Variants in SGCD observed in about 807,000 individuals in gnomAD.
The protein encoded by SGCD is sarcoglycan delta, also known as delta-sarcoglycan.
Under a neutral mutation model 36.6 loss-of-function variants are expected in SGCD, and 18 were observed. That is an observed-to-expected ratio of 0.49 (90% confidence interval 0.34 to 0.73). The LOEUF is 0.73. Among genes scored for constraint, SGCD ranks in the 30% least tolerant of loss-of-function variants. The pLI, the probability that SGCD is intolerant of heterozygous loss-of-function variation, is 0.01. For missense variants in SGCD, 387 were observed against 346.7 expected, an observed-to-expected ratio of 1.12 and a Z score of -0.92; for synonymous variants, 133 against 130.6, an observed-to-expected ratio of 1.02 and a Z score of -0.12.
At chr5:156,471,088 T>A (rs1035187924) in intron 3 of SGCD, among the ~76,000 whole-genome samples, 1 of 152,176 alleles carries the variant, frequency 6.6e-6, no homozygotes, top group African/African-American at 2.4e-5. Flanking sequence ...TAGGTAGTAT[T>A]ATTACAATAG....
chr5:156,006,053 G>T lies in SGCD; in HGVS notation c.-281-111825G>T, dbSNP rs6888511. Among the ~76,000 whole-genome samples, 357 of 152,308 alleles carry T rather than the reference G, an allele frequency of 2.3e-3. 1 individual carries two copies. Among genetic ancestry groups the T allele is most frequent in the African/African-American group, 8.0e-3 (333 of 41,560 alleles). ...TGAGAATGATACATACCTCAGGTGA[G>T]TGTTGTGAAGATCATATGAGAATAT... On this transcript the variant is annotated intron_variant, in intron 1 of 9. Transcript: ENST00000517913.
At chr5:156,119,724 C>T (rs1761988929) in intron 2 of SGCD, among the ~76,000 whole-genome samples, 1 of 152,146 alleles carries the variant, frequency 6.6e-6, no homozygotes, top group African/African-American at 2.4e-5. Flanking sequence ...GTTTTGCCTT[C>T]TCGGGATGCC....
At chr5:156,609,690 C>G (rs1217186421) in intron 6 of SGCD, among the ~76,000 whole-genome samples, 1 of 152,206 alleles carries the variant, frequency 6.6e-6, no homozygotes, top group Non-Finnish European at 1.5e-5. Context: ...ACCAATCAGA[C>G]ATAGATTTGG....
intron 4 of SGCD, among the ~76,000 whole-genome samples, chr5:156,550,701 C>T (rs1030964801): frequency 6.6e-6 from 1 of 152,180 alleles, no homozygotes; most frequent in Admixed American, 6.5e-5. Context: ...GCTCTCTGAG[C>T]CCACTCTCTA....
At chr5:156,392,711 C>T (rs951309554) in intron 3 of SGCD, among the ~76,000 whole-genome samples, 2 of 152,174 alleles carry the variant, frequency 1.3e-5, no homozygotes, top group East Asian at 3.9e-4. Flanking sequence ...GTGGGAGTAG[C>T]TCTCAGCAGG....
chr5:156,373,422 T>C (rs1255139426), intron 3 of SGCD, among the ~76,000 whole-genome samples: 1 of 152,230 alleles, frequency 6.6e-6, no homozygotes, highest in Admixed American at 6.5e-5. Flanking sequence ...AAGTAAGTAA[T>C]GCAATGAGAC....
At chr5:156,399,573 G>T (rs1772037912) in intron 3 of SGCD, among the ~76,000 whole-genome samples, 1 of 152,206 alleles carries the variant, frequency 6.6e-6, no homozygotes, top group Non-Finnish European at 1.5e-5. Context: ...GAGTGCAGTA[G>T]TCTTTTTATA....
At chr5:155,943,147 G>C (rs375563809) in intron 1 of SGCD, among the ~76,000 whole-genome samples, 1 of 152,254 alleles carries the variant, frequency 6.6e-6, no homozygotes, top group Non-Finnish European at 1.5e-5. Flanking sequence ...GTCTTGGTTT[G>C]AATCACTTAC....
chr5:156,730,923 C>G (rs1277938708), intron 7 of SGCD, among the ~76,000 whole-genome samples: 12 of 151,998 alleles, frequency 7.9e-5, no homozygotes, highest in African/African-American at 2.9e-4. Flanking sequence ...TATTTTTTGA[C>G]TTTTTAGTAA....
Position 156,365,990 on chromosome 5 carries a change from T to C in SGCD, c.192+21313T>C, listed in dbSNP as rs113355036. ...ATAAATCTCTGTAAGCAAGAGAAGG[T>C]ACAAGAAGACATGAGTAGCCATGCA... On this transcript the variant is annotated intron_variant, in intron 3 of 8. Coordinates refer to ENST00000337851, the MANE Select transcript of SGCD (RefSeq NM_000337.6). 2.8e-3 allele frequency among the ~76,000 whole-genome samples: 433 copies of C among 152,300 alleles called. 5 individuals are homozygous for C. The highest frequency in any genetic ancestry group is 0.01 in the African/African-American group (416 of 41,572).
intron 3 of SGCD, among the ~76,000 whole-genome samples, chr5:156,232,126 C>T (rs747766020): frequency 4.7e-4 from 71 of 152,204 alleles, no homozygotes; most frequent in Non-Finnish European, 9.4e-4. Flanking sequence ...CCAACACCAG[C>T]TTACCTTTAA....
chr5:156,621,170 C>G (rs888241216), intron 6 of SGCD, among the ~76,000 whole-genome samples: 1 of 152,120 alleles, frequency 6.6e-6, no homozygotes, highest in Non-Finnish European at 1.5e-5. Context: ...TTTCTAGGAT[C>G]CACAGCTAAG....
At chr5:155,948,721 A>C (rs979299774) in intron 1 of SGCD, among the ~76,000 whole-genome samples, 1 of 152,184 alleles carries the variant, frequency 6.6e-6, no homozygotes, top group African/African-American at 2.4e-5. Context: ...AGTGGAGAGA[A>C]TCAGAAGACC....
chr5:156,345,745 T>A (rs1768907162), intron 3 of SGCD, among the ~76,000 whole-genome samples: 1 of 152,198 alleles, frequency 6.6e-6, no homozygotes, highest in Non-Finnish European at 1.5e-5. Flanking sequence ...CCCTCTTGTT[T>A]GATAAATAAA....
intron 3 of SGCD, among the ~76,000 whole-genome samples, chr5:156,185,157 G>GC (rs1323600696): frequency 6.6e-6 from 1 of 151,644 alleles, no homozygotes; most frequent in Non-Finnish European, 1.5e-5. Flanking sequence ...TGATGGTCAG[G>GC]CAGTAAAATG....
chr5:156,103,834 C>T lies in SGCD; in HGVS notation c.-281-14044C>T, dbSNP rs375900602. 2.0e-5 allele frequency among the ~76,000 whole-genome samples: 3 copies of T among 152,138 alleles called. No homozygotes were observed. The South Asian group carries it at 6.2e-4, about 31-fold the overall frequency. On this transcript the variant is annotated intron_variant, in intron 1 of 9. Transcript: ENST00000517913. The stretch of plus-strand genomic sequence containing the variant: ...ATTGTTTTACTTCCCAATAGACTTG[C>T]AGACATTCAAGTATAATTTAAATCT...
chr5:156,426,235 T>G (rs1418682638), intron 3 of SGCD, among the ~76,000 whole-genome samples: 1 of 152,114 alleles, frequency 6.6e-6, no homozygotes, highest in Non-Finnish European at 1.5e-5. Context: ...ATTTTTCGAC[T>G]TTTTAATTAT....
rs1561680005 is a variant in SGCD, at chr5:156,005,626, A to G, written c.-281-112252A>G. Among the ~76,000 whole-genome samples, 2 of 151,966 alleles carry G rather than the reference A, an allele frequency of 1.3e-5. 1 individual carries two copies. Among genetic ancestry groups the G allele is most frequent in the Non-Finnish European group, 2.9e-5 (2 of 68,002 alleles). On this transcript the variant is annotated intron_variant, in intron 1 of 9. Coordinates refer to the SGCD transcript ENST00000517913. Reference sequence around the variant, plus strand: ...CCGCCGCACCTGGCTAATTTTTTGTATTTTTAGTAGAAATGGGGTTTCACC... The same window carrying G: ...CCGCCGCACCTGGCTAATTTTTTGTGTTTTTAGTAGAAATGGGGTTTCACC...
At chr5:155,762,057 C>G in the SGCD span, among the ~76,000 whole-genome samples, 1 of 152,152 alleles carries the variant, frequency 6.6e-6, no homozygotes, top group Non-Finnish European at 1.5e-5. Flanking sequence ...TTTAAAAAGT[C>G]CCAATTGCCA....
Sources: allele counts gnomAD v4.1 joint callset (sites outside exome capture counted in the v4.1 genomes callset), GRCh38; gene constraint gnomAD v4.1.1; transcripts MANE v1.5; gene names NCBI Gene and HGNC (gene_info 2026-07-23, HGNC 2026-07-21).